PTGER3: variants seen among roughly 807,000 people sequenced by gnomAD.
The protein encoded by PTGER3 is prostaglandin E receptor 3, also known as prostaglandin E2 receptor EP3 subtype.
In PTGER3, 22 loss-of-function variants were observed where a neutral mutation model predicts 34.7. The ratio of observed to expected loss-of-function variants is 0.63; its 90% CI spans 0.45 to 0.91. The LOEUF is 0.91. PTGER3 is among the 40% of genes least tolerant of loss of function. The pLI is 0.00. For synonymous variants in PTGER3, 241 were observed against 230.1 expected (o/e 1.05, Z -0.43); for missense variants, 468 against 519.4 (o/e 0.90, Z 0.96).
chr1:70,871,788 T>C (rs1265600981), intron 4 of PTGER3, among the ~76,000 whole-genome samples: 2 of 151,736 alleles, frequency 1.3e-5, no homozygotes, highest in African/African-American at 2.4e-5. Flanking sequence ...GGACTTGCAA[T>C]TTTTTTTTAA....
chr1:70,944,598 T>C (rs1482581634), intron 4 of PTGER3, among the ~76,000 whole-genome samples: 1 of 152,148 alleles, frequency 6.6e-6, no homozygotes, highest in African/African-American at 2.4e-5. Context: ...CAGATAAACA[T>C]GGATAGCATA....
intron 2 of PTGER3, among the ~76,000 whole-genome samples, chr1:71,004,949 C>A (rs1173354683): frequency 2.0e-5 from 3 of 152,210 alleles, no homozygotes; most frequent in African/African-American, 7.2e-5. Flanking sequence ...CAGATGGCCT[C>A]ACCCCTCAAA....
At chr1:71,044,226 C>T (rs924067823) in intron 1 of PTGER3, among the ~76,000 whole-genome samples, 4 of 151,590 alleles carry the variant, frequency 2.6e-5, no homozygotes, top group Admixed American at 1.3e-4. Flanking sequence ...CACCTCAGGT[C>T]AGGAGTTCGA....
At chr1:70,892,235 T>G (rs78860360) in intron 4 of PTGER3, among the ~76,000 whole-genome samples, 1 of 152,230 alleles carries the variant, frequency 6.6e-6, no homozygotes, top group East Asian at 1.9e-4. Context: ...GCATATTCAT[T>G]AACCTCTCTG....
intron 4 of PTGER3, among the ~76,000 whole-genome samples, chr1:70,893,588 T>C (rs1646664732): frequency 6.6e-6 from 1 of 152,202 alleles, no homozygotes; most frequent in African/African-American, 2.4e-5. Context: ...AAATTCTAGC[T>C]TTTAAGTTCA....
chr1:71,017,200 A>G (rs1248426545), intron 1 of PTGER3, among the ~76,000 whole-genome samples: 1 of 152,132 alleles, frequency 6.6e-6, no homozygotes, highest in Non-Finnish European at 1.5e-5. Flanking sequence ...TGTCCTAAAA[A>G]ATCAGAGAAC....
rs560863902 is a variant in PTGER3 at position 71,047,613 on chromosome 1, G to A, written c.-36C>T. 7.9e-5 allele frequency: 117 copies of A among 1,482,886 alleles called. No homozygotes were observed. The East Asian group carries it at 2.8e-3, about 36-fold the overall frequency. 91.9% of individuals were successfully genotyped at this position (1,482,886 alleles called of 1,614,324 possible). The stretch of plus-strand genomic sequence containing the variant: ...AGGTGAGGAGGGGATGGCGTCCAGA[G>A]AGCCGCAGCGGGAGGGGGCAGACGC... On this transcript the variant is annotated 5_prime_UTR_variant, in exon 1 of 4. Coordinates refer to ENST00000306666, the MANE Select transcript of PTGER3 (RefSeq NM_198719.2).
intron 2 of PTGER3, among the ~76,000 whole-genome samples, chr1:70,958,931 A>G (rs1341733004): frequency 6.6e-6 from 1 of 151,978 alleles, no homozygotes; most frequent in Non-Finnish European, 1.5e-5. Flanking sequence ...TATTGAAGAG[A>G]TTGTCCTTTC....
At chr1:70,890,344 T>G (rs570068390) in intron 4 of PTGER3, among the ~76,000 whole-genome samples, 11 of 152,322 alleles carry the variant, frequency 7.2e-5, no homozygotes, top group African/African-American at 1.7e-4. Flanking sequence ...TAGAATTAAG[T>G]GATCCTCTTA....
At chr1:70,889,887 T>C (rs1389554336) in intron 4 of PTGER3, among the ~76,000 whole-genome samples, 1 of 152,130 alleles carries the variant, frequency 6.6e-6, no homozygotes, top group East Asian at 1.9e-4. Flanking sequence ...TTTTTGCTGT[T>C]AGGAGCCACT....
chr1:70,963,642 C>T (rs1007501847), intron 2 of PTGER3, among the ~76,000 whole-genome samples: 1 of 152,174 alleles, frequency 6.6e-6, no homozygotes, highest in African/African-American at 2.4e-5. Context: ...CTGCAGGGTG[C>T]CAAGCCCCTG....
chr1:70,926,674 C>T (rs1235121519), intron 4 of PTGER3, among the ~76,000 whole-genome samples: 1 of 151,912 alleles, frequency 6.6e-6, no homozygotes, highest in East Asian at 1.9e-4. Context: ...CGCTTTATTT[C>T]CTTCTCCTGA....
intron 4 of PTGER3, among the ~76,000 whole-genome samples, chr1:70,897,576 G>A (rs1371394046): frequency 2.0e-5 from 3 of 152,142 alleles, no homozygotes; most frequent in African/African-American, 7.2e-5. Flanking sequence ...GCTGCCTGCC[G>A]GTACAACCCA....
chr1:71,027,739 A>T lies in PTGER3; in HGVS notation c.898-15255T>A, dbSNP rs181313779. ...TTCTAGTAGCCAGATTTTTTTTAAA[A>T]AAGTAAAAAGAAACATTTTGAATTT... On this transcript the variant is annotated intron_variant, in intron 1 of 3. Coordinates refer to ENST00000306666, the MANE Select transcript of PTGER3 (RefSeq NM_198719.2). Among the ~76,000 whole-genome samples the T allele has an allele frequency of 3.7e-4, 57 of 152,368 alleles. 1 individual carries two copies. The highest frequency in any genetic ancestry group is 1.3e-3 in the African/African-American group (55 of 41,596).
intron 1 of PTGER3, among the ~76,000 whole-genome samples, chr1:71,032,729 C>A (rs112688814): frequency 3.3e-5 from 5 of 152,288 alleles, no homozygotes; most frequent in African/African-American, 1.2e-4. Flanking sequence ...ACTCCCCCTA[C>A]CTTTTTATAT....
intron 2 of PTGER3, among the ~76,000 whole-genome samples, chr1:70,993,086 A>G (rs1655616193): frequency 2.0e-5 from 3 of 152,186 alleles, no homozygotes; most frequent in Admixed American, 1.3e-4. Flanking sequence ...ATATCTAGAT[A>G]TAGATCTGGA....
chr1:71,037,980 G>A (rs1330469657), intron 1 of PTGER3, among the ~76,000 whole-genome samples: 2 of 152,204 alleles, frequency 1.3e-5, no homozygotes, highest in Admixed American at 1.3e-4. Flanking sequence ...TCTGCCAGGA[G>A]CTCTGACCCA....
intron 2 of PTGER3, among the ~76,000 whole-genome samples, chr1:70,996,561 T>C (rs561061173): frequency 4.9e-4 from 74 of 149,900 alleles, no homozygotes; most frequent in Non-Finnish European, 7.0e-4. Flanking sequence ...CGTGGGTTCA[T>C]GCCATTCTCC....
At chr1:71,008,856 G>A in intron 2 of PTGER3, 1 of 960,710 alleles carries the variant, frequency 1.0e-6, no homozygotes, top group Non-Finnish European at 1.2e-6. Flanking sequence ...GGCTTTTTAT[G>A]TGTTTGTAAT....
Sources: gnomAD v4.1 joint callset for allele counts (sites outside exome capture counted in the v4.1 genomes callset) on GRCh38, gnomAD v4.1.1 for gene constraint, MANE v1.5 for transcripts, NCBI Gene and HGNC (gene_info 2026-07-23, HGNC 2026-07-21) for gene names.